AFF3: variants seen among roughly 807,000 people sequenced by gnomAD.
The protein encoded by AFF3 is AF4/FMR2 family member 3.
AFF3 carries 32 observed loss-of-function variants against 129.7 expected under a neutral mutation model. That is an observed-to-expected ratio of 0.25 (90% confidence interval 0.19 to 0.33). The LOEUF (loss-of-function observed/expected upper bound fraction) is 0.33. AFF3 is among the 10% of genes least tolerant of loss of function. AFF3 has a pLI of 1.00. For missense variants in AFF3, 1,373 were observed against 1,592.0 expected, an observed-to-expected ratio of 0.86 and a Z score of 2.34; for synonymous variants, 644 against 635.4, an observed-to-expected ratio of 1.01 and a Z score of -0.20.
intron 22 of AFF3, 36 bp from the exon 23 acceptor site, chr2:99,554,768 T>A (rs761548806): frequency 6.2e-7 from 1 of 1,613,070 alleles, no homozygotes; most frequent in South Asian, 1.1e-5. Flanking sequence ...GTGAGTGCCA[T>A]CTGCGTGAGG....
At chr2:99,601,098 G>A (rs1046609430) in intron 14 of AFF3, among the ~76,000 whole-genome samples, 5 of 152,156 alleles carry the variant, frequency 3.3e-5, no homozygotes, top group African/African-American at 4.8e-5. Context: ...TCTGTCCAGC[G>A]ACTGCCCTGG....
chr2:99,702,384 A>T (rs961084390), intron 11 of AFF3, among the ~76,000 whole-genome samples: 2 of 152,120 alleles, frequency 1.3e-5, no homozygotes, highest in African/African-American at 4.8e-5. Flanking sequence ...TCTGTCACTC[A>T]GCTGGAGTGC....
chr2:99,848,153 G>A (rs1689870852), intron 7 of AFF3, among the ~76,000 whole-genome samples: 1 of 151,994 alleles, frequency 6.6e-6, no homozygotes, highest in Non-Finnish European at 1.5e-5. Flanking sequence ...GGGAGGCTGA[G>A]GTGGGAGAAT....
intron 7 of AFF3, among the ~76,000 whole-genome samples, chr2:100,001,073 C>G (rs1259063308): frequency 2.0e-5 from 3 of 152,216 alleles, no homozygotes; most frequent in African/African-American, 7.2e-5. Context: ...CTGGAGGCTG[C>G]AGCTGAAGGG....
At chr2:99,999,599 G>T (rs1028285459) in intron 7 of AFF3, among the ~76,000 whole-genome samples, 1 of 152,150 alleles carries the variant, frequency 6.6e-6, no homozygotes, top group Non-Finnish European at 1.5e-5. Flanking sequence ...TTGGACACAT[G>T]AGCAGGTAAA....
intron 7 of AFF3, among the ~76,000 whole-genome samples, chr2:99,883,425 CG>C (rs1266969111): frequency 2.0e-5 from 3 of 152,144 alleles, no homozygotes; most frequent in Non-Finnish European, 4.4e-5. Context: ...CCATTAAAAA[CG>C]CTAAAAAATA....
chr2:99,702,141 G>A (rs562936959), intron 11 of AFF3, among the ~76,000 whole-genome samples: 1 of 152,316 alleles, frequency 6.6e-6, no homozygotes, highest in East Asian at 1.9e-4. Context: ...ATGCCCAAGA[G>A]TGCAACCGCT....
intron 11 of AFF3, among the ~76,000 whole-genome samples, chr2:99,719,284 T>C (rs1308707580): frequency 6.6e-6 from 1 of 152,124 alleles, no homozygotes; most frequent in African/African-American, 2.4e-5. Context: ...CATGCACTCC[T>C]GTGATAAATC....
chr2:99,897,999 G>A (rs1041505272), intron 7 of AFF3, among the ~76,000 whole-genome samples: 4 of 152,148 alleles, frequency 2.6e-5, no homozygotes, highest in African/African-American at 9.7e-5. Flanking sequence ...GAAAAATACT[G>A]GAGACCTCAT....
intron 7 of AFF3, among the ~76,000 whole-genome samples, chr2:99,950,068 A>ACAT (rs1452031849): frequency 2.0e-5 from 3 of 152,184 alleles, no homozygotes; most frequent in Non-Finnish European, 4.4e-5. Flanking sequence ...GAATTCTAAA[A>ACAT]CATCCAATCT....
At chr2:99,820,466 G>A (rs1687570961) in intron 8 of AFF3, among the ~76,000 whole-genome samples, 1 of 152,084 alleles carries the variant, frequency 6.6e-6, no homozygotes, top group Non-Finnish European at 1.5e-5. Context: ...GGGTGAGTCA[G>A]TGAGTGAGTG....
intron 4 of AFF3, among the ~76,000 whole-genome samples, chr2:100,014,552 T>A (rs186785223): frequency 7.2e-4 from 110 of 152,170 alleles, no homozygotes; most frequent in South Asian, 6.7e-3. Flanking sequence ...CAATTCACAA[T>A]CAAACAATGT....
intron 7 of AFF3, among the ~76,000 whole-genome samples, chr2:99,981,117 C>A (rs1559030247): frequency 6.6e-6 from 1 of 152,170 alleles, no homozygotes; most frequent in African/African-American, 2.4e-5. Flanking sequence ...CTCCCAGGTT[C>A]AAGCGATTCT....
rs1359533162 is a variant in AFF3 at position 100,000,434 on chromosome 2, G to A, written c.873+6198C>T. On this transcript the variant is annotated intron_variant, in intron 7 of 24. Coordinates refer to ENST00000672756, the MANE Select transcript of AFF3 (RefSeq NM_001386135.1). ...CTCAGGATTTGTGATATTAATCCAGGATAATCTTGGTTTTCAAGATTTCAG... is the reference window on the plus strand; with the variant it reads ...CTCAGGATTTGTGATATTAATCCAGAATAATCTTGGTTTTCAAGATTTCAG... 2.0e-5 allele frequency among the ~76,000 whole-genome samples: 3 copies of A among 152,036 alleles called. No homozygotes were observed. In the East Asian group the frequency reaches 5.8e-4, roughly 29 times the overall value.
rs1244696166 is a variant in AFF3 at position 99,892,147 on chromosome 2, C to T, written c.874-54623G>A. Among the ~76,000 whole-genome samples, 4 of 151,874 alleles carry T rather than the reference C, an allele frequency of 2.6e-5. No homozygotes were observed. In the East Asian group the frequency reaches 5.8e-4, roughly 22 times the overall value. Reference sequence around the variant, plus strand: ...AAAGCCCACCAGCTTTTGAAGGTCTCGCACAAATGTTTCAGACCTTTAGAA... The same window carrying T: ...AAAGCCCACCAGCTTTTGAAGGTCTTGCACAAATGTTTCAGACCTTTAGAA... On this transcript the variant is annotated intron_variant, in intron 7 of 24. Coordinates refer to ENST00000672756, the MANE Select transcript of AFF3 (RefSeq NM_001386135.1).
rs1677809877 is a variant in AFF3 at position 99,710,670 on chromosome 2, GGTGA to G, written c.1091+16403_1091+16406del. ...AGAATAGCCTTTTTTGACACAAAAA[GGTGA>G]GTGCCTGCCTGAATGTGAAAGTTTG... On this transcript the variant is annotated intron_variant, in intron 11 of 24. Coordinates refer to ENST00000672756, the MANE Select transcript of AFF3 (RefSeq NM_001386135.1). 5.9e-5 allele frequency among the ~76,000 whole-genome samples: 9 copies of G among 152,146 alleles called. No individual in the cohort carries two copies. In the South Asian group the frequency reaches 1.9e-3, roughly 32 times the overall value.
chr2:100,008,227 TG>T (rs1682163572), intron 5 of AFF3, among the ~76,000 whole-genome samples: 1 of 152,164 alleles, frequency 6.6e-6, no homozygotes, highest in Non-Finnish European at 1.5e-5. Flanking sequence ...GATGTCAATG[TG>T]AAGCTTAAAG....
At chr2:99,872,056 AT>A (rs1691901531) in intron 7 of AFF3, among the ~76,000 whole-genome samples, 5 of 151,866 alleles carry the variant, frequency 3.3e-5, no homozygotes, top group Middle Eastern at 3.4e-3. Flanking sequence ...AATACAAAAA[AT>A]TAGCCAGTCG....
At chr2:99,901,108 C>T (rs535285955) in intron 7 of AFF3, among the ~76,000 whole-genome samples, 2 of 152,308 alleles carry the variant, frequency 1.3e-5, no homozygotes, top group Non-Finnish European at 2.9e-5. Context: ...TGGCTATGAA[C>T]GCATTGCAAA....
Sources: gnomAD v4.1 joint callset for allele counts (sites outside exome capture counted in the v4.1 genomes callset) on GRCh38, gnomAD v4.1.1 for gene constraint, MANE v1.5 for transcripts, NCBI Gene and HGNC (gene_info 2026-07-23, HGNC 2026-07-21) for gene names.